Variants in PRKCZ observed in about 807,000 individuals in gnomAD.
PRKCZ encodes the protein protein kinase C zeta, also known as protein kinase C zeta type.
PRKCZ carries 33 observed loss-of-function variants against 79.5 expected under a neutral mutation model. The observed-to-expected ratio is 0.41, with a 90% CI of 0.31 to 0.55. PRKCZ has a LOEUF of 0.55. Among genes scored for constraint, PRKCZ ranks in the 20% least tolerant of loss-of-function variants. The pLI, the probability that PRKCZ is intolerant of heterozygous loss-of-function variation, is 0.19. For synonymous variants in PRKCZ, 342 were observed against 320.9 expected (o/e 1.07, Z -0.70); for missense variants, 578 against 813.5 (o/e 0.71, Z 3.52).
At chr1:2,066,240 CTT>C (rs1219617294) in intron 4 of PRKCZ, among the ~76,000 whole-genome samples, 1 of 152,168 alleles carries the variant, frequency 6.6e-6, no homozygotes, top group African/African-American at 2.4e-5. Context: ...GTTCCTTCCT[CTT>C]TAATTTTTTT....
At chr1:2,180,420 G>A (rs1308574896) in intron 16 of PRKCZ, among the ~76,000 whole-genome samples, 5 of 151,584 alleles carry the variant, frequency 3.3e-5, no homozygotes, top group Non-Finnish European at 5.9e-5. Context: ...CACGGACGAC[G>A]TAGACACACG....
chr1:2,052,334 C>T (rs149896382), intron 1 of PRKCZ, among the ~76,000 whole-genome samples: 116 of 152,238 alleles, frequency 7.6e-4, no homozygotes, highest in Middle Eastern at 6.8e-3. Context: ...GTAATTCCAC[C>T]CGGTGACTCT....
intron 16 of PRKCZ, among the ~76,000 whole-genome samples, chr1:2,175,603 AGCC>A (rs1478484819): frequency 1.4e-5 from 2 of 146,928 alleles, no homozygotes; most frequent in Non-Finnish European, 3.0e-5. Flanking sequence ...TGGTGGACAG[AGCC>A]GGGGCTGTGT....
chr1:2,160,238 C>CGCGCGTGTGTGTGTGTGT (rs71578361), intron 10 of PRKCZ, among the ~76,000 whole-genome samples: 15 of 146,468 alleles, frequency 1.0e-4, no homozygotes, highest in African/African-American at 3.8e-4. Flanking sequence ...CAGCAGTGTG[C>CGCGCGTGTGTGTGTGTGT]GTGTGTGTGT....
chr1:2,123,444 C>T lies in PRKCZ; in HGVS notation c.335-11818C>T, dbSNP rs543130792. ...AGGGTTGTGGTGGTTAGGGTCGTGG[C>T]GGTGGTTAGGGTTGTGGTGGTTAGG... On this transcript the variant is annotated intron_variant, in intron 4 of 17. Transcript: ENST00000378567. Among the ~76,000 whole-genome samples the T allele has an allele frequency of 6.5e-4, 3 of 4,630 alleles. 1 individual carries two copies. Among genetic ancestry groups the T allele is most frequent in the Admixed American group, 3.6e-3 (1 of 276 alleles). The allele number at this position is 4,630 out of a possible 152,430, so 3.0% of individuals were successfully genotyped here.
At chr1:2,086,692 T>C (rs1571265401) in intron 4 of PRKCZ, among the ~76,000 whole-genome samples, 1 of 152,070 alleles carries the variant, frequency 6.6e-6, no homozygotes, top group Non-Finnish European at 1.5e-5. Flanking sequence ...CGGTGGGCGG[T>C]GGGCCAGGGG....
chr1:2,123,256 GGTGGTGGTTAGGGTC>G lies in PRKCZ; in HGVS notation c.335-11990_335-11976del, dbSNP rs1474630235. ...GGGTCGTGGCGGTGGTTAGGTTCATGGTGGTGGTTAGGGTCGTGGTGGTTAGGGTCACGGTGGTAG... is the reference window on the plus strand; with the variant it reads ...GGGTCGTGGCGGTGGTTAGGTTCATGGTGGTGGTTAGGGTCACGGTGGTAG... On this transcript the variant is annotated intron_variant, in intron 4 of 17. Coordinates refer to ENST00000378567, the MANE Select transcript of PRKCZ (RefSeq NM_002744.6). Among the ~76,000 whole-genome samples, 5 of 10,772 alleles carry G rather than the reference GGTGGTGGTTAGGGTC, an allele frequency of 4.6e-4. 1 individual carries two copies. Among genetic ancestry groups the G allele is most frequent in the Non-Finnish European group, 8.2e-4 (5 of 6,086 alleles). The allele number at this position is 10,772 out of a possible 152,430, so 7.1% of individuals were successfully genotyped here. A position where few individuals can be genotyped will look rare whatever the true frequency, so the allele number is the denominator to read the frequency against.
intron 1 of PRKCZ, 99 bp downstream of exon 1, chr1:2,050,800 G>A (rs1281749279): frequency 3.2e-5 from 26 of 811,176 alleles, no homozygotes; most frequent in South Asian, 6.1e-5. Context: ...AGAGGGAAGG[G>A]GCGGCGAGGT....
intron 9 of PRKCZ, among the ~76,000 whole-genome samples, chr1:2,155,081 T>C (rs1278815092): frequency 6.6e-6 from 1 of 152,110 alleles, no homozygotes; most frequent in Non-Finnish European, 1.5e-5. Flanking sequence ...GCTGGTAGCT[T>C]TGGTGATCGT....
upstream of PRKCZ, among the ~76,000 whole-genome samples, chr1:2,048,807 T>C (rs1659434427): frequency 6.6e-6 from 1 of 152,106 alleles, no homozygotes; most frequent in Non-Finnish European, 1.5e-5. Context: ...TTTAGGGAGC[T>C]GGAACCCGGG....
intron 4 of PRKCZ, among the ~76,000 whole-genome samples, chr1:2,109,336 G>GT (rs1669242909): frequency 6.6e-6 from 1 of 152,194 alleles, no homozygotes; most frequent in Non-Finnish European, 1.5e-5. Flanking sequence ...AGGGGCGATG[G>GT]TCGGGGGGCA....
intron 5 of PRKCZ, chr1:2,142,375 GCGCCCTCCTTT>G (rs1677541607): frequency 3.5e-5 from 2 of 56,946 alleles, no homozygotes; most frequent in Non-Finnish European, 6.2e-5. Flanking sequence ...AGCAGCCGAA[GCGCCCTCCTTT>G]CAATCCAGGG....
At chr1:2,140,410 T>A (rs1056694126) in intron 5 of PRKCZ, among the ~76,000 whole-genome samples, 5 of 152,134 alleles carry the variant, frequency 3.3e-5, no homozygotes, top group African/African-American at 1.2e-4. Context: ...CCCAGCACTT[T>A]GGGAGGCCGA....
intron 7 of PRKCZ, among the ~76,000 whole-genome samples, chr1:2,147,314 T>A (rs1383884689): frequency 1.3e-5 from 2 of 152,126 alleles, no homozygotes; most frequent in Non-Finnish European, 2.9e-5. Context: ...CACTGACCTC[T>A]CCATCTTTCC....
intron 1 of PRKCZ, among the ~76,000 whole-genome samples, chr1:2,054,455 G>T (rs1216955932): frequency 6.6e-6 from 1 of 152,076 alleles, no homozygotes; most frequent in African/African-American, 2.4e-5. Context: ...TATCAGCAGG[G>T]AAGTGCCAGC....
rs1261897389 is a variant in PRKCZ, at chr1:2,128,171, C to T, written c.335-7091C>T. On this transcript the variant is annotated intron_variant, in intron 4 of 17. Coordinates refer to ENST00000378567, the MANE Select transcript of PRKCZ (RefSeq NM_002744.6). The surrounding 1 kb of genome is among the most constrained non-coding windows in gnomAD (Gnocchi z 6.5). ...CAAGGGCACCTCACTGTCTCCTTGT[C>T]CTCCTGGTCACTGACCTGGGCCACC... 1.3e-5 allele frequency among the ~76,000 whole-genome samples: 2 copies of T among 152,252 alleles called. No individual in the cohort carries two copies. The highest frequency in any genetic ancestry group is 2.9e-5 in the Non-Finnish European group (2 of 68,036).
rs1674219631 is a variant in PRKCZ, at chr1:2,127,712, T to G, written c.335-7550T>G. On this transcript the variant is annotated intron_variant, in intron 4 of 17. Transcript: ENST00000378567. This position sits in a 1 kb window ranked among gnomAD's most constrained non-coding sequence, Gnocchi z 5.1. ...CGTCTCCCGCGGCTCCCGGTGGCTTTTTAGGACTCTGCGTTCGTGTTCTCC... is the reference window on the plus strand; with the variant it reads ...CGTCTCCCGCGGCTCCCGGTGGCTTGTTAGGACTCTGCGTTCGTGTTCTCC... Among the ~76,000 whole-genome samples, 1 of 152,140 alleles carries G rather than the reference T, an allele frequency of 6.6e-6. No individual in the cohort carries two copies. The highest frequency in any genetic ancestry group is 2.4e-5 in the African/African-American group (1 of 41,418).
chr1:2,092,999 C>G (rs1033215197), intron 4 of PRKCZ, among the ~76,000 whole-genome samples: 1 of 152,240 alleles, frequency 6.6e-6, no homozygotes, highest in African/African-American at 2.4e-5. Context: ...GGTGTGGGGA[C>G]CGGGTGCCAC....
rs770386296 is a variant in PRKCZ, at chr1:2,150,988, G to A, written c.876+10G>A. The A allele has an allele frequency of 2.4e-5, 38 of 1,612,280 alleles. No individual in the cohort carries two copies. Among genetic ancestry groups the A allele is most frequent in the East Asian group, 4.5e-5 (2 of 44,882 alleles). On this transcript the variant is annotated intron_variant, in intron 9 of 17. Transcript: ENST00000378567. ...GGTGCATGATGACGAGGTAGGTGCC[G>A]CTTCTCATGGGGCCCGGGGGCCCGG...
Sources: allele counts gnomAD v4.1 joint callset (sites outside exome capture counted in the v4.1 genomes callset), GRCh38; gene constraint gnomAD v4.1.1; non-coding constraint Gnocchi (gnomAD v3.1); transcripts MANE v1.5; gene names NCBI Gene and HGNC (gene_info 2026-07-23, HGNC 2026-07-21).